LYNX1: variants seen among roughly 807,000 people sequenced by gnomAD.
LYNX1 encodes the protein ly-6/neurotoxin-like protein 1.
A neutral mutation model predicts 8.3 loss-of-function variants in LYNX1; 8 were observed. The observed-to-expected ratio is 0.97, with a 90% CI of 0.57 to 1.74. The LOEUF is 1.74. Ranked by LOEUF, LYNX1 falls within the 40% of genes most tolerant of loss-of-function variation. The pLI, the probability that LYNX1 is intolerant of heterozygous loss-of-function variation, is 0.00. For synonymous variants in LYNX1, 73 were observed against 67.9 expected (o/e 1.08, Z -0.37); for missense variants, 158 against 159.7 (o/e 0.99, Z 0.06).
In LYNX1 at chr8:142,775,982, G is replaced by A. The variant is rs1438145946; in HGVS notation, c.-25C>T. 5 of 1,613,250 alleles carry A rather than the reference G, an allele frequency of 3.1e-6. No homozygotes were observed. The highest frequency in any genetic ancestry group is 4.2e-6 in the Non-Finnish European group (5 of 1,179,860). ...TGGCTGCAGGCAGGAGGGCAGCGTGGGAGTGGGGAGGTCAACAGCAGCTAG... is the reference window on the plus strand; with the variant it reads ...TGGCTGCAGGCAGGAGGGCAGCGTGAGAGTGGGGAGGTCAACAGCAGCTAG... On this transcript the variant is annotated 5_prime_UTR_variant, in exon 2 of 4. Coordinates refer to ENST00000652477, the MANE Select transcript of LYNX1 (RefSeq NM_177477.4).
chr8:142,775,564 G>C, intron 3 of LYNX1, 29 bp downstream of exon 3: 1 of 1,565,680 alleles, frequency 6.4e-7, no homozygotes, highest in Non-Finnish European at 8.7e-7. Flanking sequence ...TGCTCCCCAG[G>C]CAGGGCCACG....
Position 142,773,913 on chromosome 8 carries a change from A to T in LYNX1, c.*1254T>A. 2.0e-6 allele frequency: 2 copies of T among 985,290 alleles called. No homozygotes were observed. Among genetic ancestry groups the T allele is most frequent in the Non-Finnish European group, 2.4e-6 (2 of 829,906 alleles). 61.0% of individuals were successfully genotyped at this position (985,290 alleles called of 1,614,324 possible). On this transcript the variant is annotated 3_prime_UTR_variant, in exon 4 of 4. Coordinates refer to ENST00000652477, the MANE Select transcript of LYNX1 (RefSeq NM_177477.4). ...GGCACCAAAAGGTCTCACGCCCCCG[A>T]ATGCCCCATTCACAGCAGGGGCAGG...
chr8:142,775,167 T>C lies in LYNX1; in HGVS notation c.351A>G (p.Ter117=), dbSNP rs1815349401. Reference sequence around the variant, plus strand: ...CTTGAGTGGGTCTGCCTCGGGGGCTTTAGAGGAGACCCCAGAGGGTGGCCA... The same window carrying C: ...CTTGAGTGGGTCTGCCTCGGGGGCTCTAGAGGAGACCCCAGAGGGTGGCCA... ...ILLATLWGLL[*] Residue 117 remains the stop codon, a stop_retained_variant, in exon 4 of 4, where the codon TAA becomes TAG. Coordinates refer to ENST00000652477, the MANE Select transcript of LYNX1 (RefSeq NM_177477.4). 7 of 1,610,330 alleles carry C rather than the reference T, an allele frequency of 4.3e-6. No individual in the cohort carries two copies. The East Asian group carries it at 1.6e-4, about 36-fold the overall frequency.
Position 142,773,377 on chromosome 8 carries a change from G to A in LYNX1, c.*1790C>T. 1.0e-6 allele frequency: 1 copy of A among 985,846 alleles called. No individual in the cohort carries two copies. Among genetic ancestry groups the A allele is most frequent in the Non-Finnish European group, 1.2e-6 (1 of 830,270 alleles). The allele number at this position is 985,846 out of a possible 1,614,324, so 61.1% of individuals were successfully genotyped here. A position where few individuals can be genotyped will look rare whatever the true frequency, so the allele number is the denominator to read the frequency against. ...TGGGGGTAGGGGCGAGGGGAGTCCA[G>A]GCCCACCCTGTGCTGGCAGCAACTC... On this transcript the variant is annotated 3_prime_UTR_variant, in exon 4 of 4. Coordinates refer to ENST00000652477, the MANE Select transcript of LYNX1 (RefSeq NM_177477.4).
chr8:142,771,825 G>C lies in LYNX1; in HGVS notation c.*3342C>G, dbSNP rs587596412. On this transcript the variant is annotated 3_prime_UTR_variant, in exon 4 of 4. Coordinates refer to ENST00000652477, the MANE Select transcript of LYNX1 (RefSeq NM_177477.4). ...GCTCCCCCACTTCCCCAGGACCTCC[G>C]CCTGGAGGAAGCCTGCCCAGGGCCG... The C allele has an allele frequency of 6.1e-6, 6 of 985,726 alleles. No homozygotes were observed. The highest frequency in any genetic ancestry group is 7.2e-6 in the Non-Finnish European group (6 of 830,008). 61.1% of individuals were successfully genotyped at this position (985,726 alleles called of 1,614,324 possible). A position where few individuals can be genotyped will look rare whatever the true frequency, so the allele number is the denominator to read the frequency against.
rs201889136 is a variant in LYNX1 at position 142,775,988 on chromosome 8, G to A, written c.-31C>T. 4.5e-5 allele frequency: 72 copies of A among 1,612,864 alleles called. No individual in the cohort carries two copies. The African/African-American group carries it at 6.7e-4, about 15-fold the overall frequency. On this transcript the variant is annotated 5_prime_UTR_variant, in exon 2 of 4. Transcript: ENST00000652477. ...CAGGCAGGAGGGCAGCGTGGGAGTG[G>A]GGAGGTCAACAGCAGCTAGCCCTGG... is the stretch of plus-strand genomic sequence containing the variant.
chr8:142,773,202 G>T lies in LYNX1; in HGVS notation c.*1965C>A. The T allele has an allele frequency of 1.0e-6, 1 of 985,590 alleles. No homozygotes were observed. 61.1% of individuals were successfully genotyped at this position (985,590 alleles called of 1,614,324 possible). Reference sequence around the variant, plus strand: ...CCGGTAAGCATCCCAAGGCATCGCTGGCTGCAGCTGAGAGGGCCTCATTTG... The same window carrying T: ...CCGGTAAGCATCCCAAGGCATCGCTTGCTGCAGCTGAGAGGGCCTCATTTG... On this transcript the variant is annotated 3_prime_UTR_variant, in exon 4 of 4. Transcript: ENST00000652477.
Position 142,772,165 on chromosome 8 carries a change from C to T in LYNX1, c.*3002G>A, listed in dbSNP as rs946076908. On this transcript the variant is annotated 3_prime_UTR_variant, in exon 4 of 4. Transcript: ENST00000652477. ...ACAGAGCCCGCCCAAGCAGCCACTC[C>T]TGAGTCACTCGGGCATGTCCAGGAC... is the stretch of plus-strand genomic sequence containing the variant. 7 of 986,120 alleles carry T rather than the reference C, an allele frequency of 7.1e-6. No homozygotes were observed. In the African/African-American group the frequency reaches 1.2e-4, roughly 17 times the overall value. 61.1% of individuals were successfully genotyped at this position (986,120 alleles called of 1,614,324 possible).
rs1334931180 is a variant in LYNX1 at position 142,772,810 on chromosome 8, C to T, written c.*2357G>A. 1.0e-6 allele frequency: 1 copy of T among 985,642 alleles called. No individual in the cohort carries two copies. Among genetic ancestry groups the T allele is most frequent in the African/African-American group, 1.7e-5 (1 of 57,250 alleles). 61.1% of individuals were successfully genotyped at this position (985,642 alleles called of 1,614,324 possible). On this transcript the variant is annotated 3_prime_UTR_variant, in exon 4 of 4. Transcript: ENST00000652477. Reference sequence around the variant, plus strand: ...GCATTAGCTGAGTGCCTTCTGTGTGCTCTACGCCAGGTGCCAAGGGCAGGC... The same window carrying T: ...GCATTAGCTGAGTGCCTTCTGTGTGTTCTACGCCAGGTGCCAAGGGCAGGC...
rs777125549 is a variant in LYNX1, at chr8:142,774,120, G to A, written c.*1047C>T. The stretch of plus-strand genomic sequence containing the variant: ...GGGACCCACTCACTGTGCGCATCCC[G>A]CTGCGGGGGAGGGGCTGGGTCTCCG... On this transcript the variant is annotated 3_prime_UTR_variant, in exon 4 of 4. Transcript: ENST00000652477. 24 of 985,006 alleles carry A rather than the reference G, an allele frequency of 2.4e-5. No individual in the cohort carries two copies. Among genetic ancestry groups the A allele is most frequent in the Non-Finnish European group, 2.9e-5 (24 of 829,806 alleles). The allele number at this position is 985,006 out of a possible 1,614,324, so 61.0% of individuals were successfully genotyped here. A position where few individuals can be genotyped will look rare whatever the true frequency, so the allele number is the denominator to read the frequency against.
In LYNX1 at chr8:142,772,241, T is replaced by A; in HGVS notation, c.*2926A>T. ...AGCTAGCCCTGGGCATCTACCCCCA[T>A]GAAGGGGACCCTCGGTTCTGCGAGA... On this transcript the variant is annotated 3_prime_UTR_variant, in exon 4 of 4. Coordinates refer to ENST00000652477, the MANE Select transcript of LYNX1 (RefSeq NM_177477.4). The A allele has an allele frequency of 3.0e-6, 3 of 985,910 alleles. No individual in the cohort carries two copies. Among genetic ancestry groups the A allele is most frequent in the Non-Finnish European group, 3.6e-6 (3 of 829,984 alleles). 61.1% of individuals were successfully genotyped at this position (985,910 alleles called of 1,614,324 possible).
chr8:142,774,319 T>C lies in LYNX1; in HGVS notation c.*848A>G, dbSNP rs1376952660. On this transcript the variant is annotated 3_prime_UTR_variant, in exon 4 of 4. Transcript: ENST00000652477. ...CTTGCTCGGCTGGGTCCTGCTGTGG[T>C]TGGGGACCAGGACTCGGGGGACCAC... 12 of 985,908 alleles carry C rather than the reference T, an allele frequency of 1.2e-5. No homozygotes were observed. The highest frequency in any genetic ancestry group is 1.4e-5 in the Non-Finnish European group (12 of 830,306). The allele number at this position is 985,908 out of a possible 1,614,324, so 61.1% of individuals were successfully genotyped here.
In LYNX1 at chr8:142,773,253, C is replaced by T; in HGVS notation, c.*1914G>A. ...GGCACTGCCCTGAGGCTGGCACTTG[C>T]AGGTGGGGGCCCTTGGGAGCTCTGG... On this transcript the variant is annotated 3_prime_UTR_variant, in exon 4 of 4. Transcript: ENST00000652477. 2.0e-6 allele frequency: 2 copies of T among 985,018 alleles called. No homozygotes were observed. The highest frequency in any genetic ancestry group is 2.4e-6 in the Non-Finnish European group (2 of 829,936). The allele number at this position is 985,018 out of a possible 1,614,324, so 61.0% of individuals were successfully genotyped here. A position where few individuals can be genotyped will look rare whatever the true frequency, so the allele number is the denominator to read the frequency against.
intron 2 of LYNX1, 78 bp from the exon 3 acceptor site, chr8:142,775,772 C>T: frequency 6.5e-7 from 1 of 1,534,834 alleles, no homozygotes; most frequent in Non-Finnish European, 8.9e-7. Flanking sequence ...ATCAGGCCCC[C>T]AGCCCGTCAC....
chr8:142,777,498 AC>A, upstream of LYNX1, among the ~76,000 whole-genome samples: 2 of 97,484 alleles, frequency 2.1e-5, no homozygotes, highest in African/African-American at 9.3e-5. Flanking sequence ...CCTCCTGGGC[AC>A]CCGCCGAGCC....
Position 142,774,309 on chromosome 8 carries a change from C to T in LYNX1, c.*858G>A. 1.0e-6 allele frequency: 1 copy of T among 985,898 alleles called. No individual in the cohort carries two copies. Among genetic ancestry groups the T allele is most frequent in the African/African-American group, 1.7e-5 (1 of 57,370 alleles). The allele number at this position is 985,898 out of a possible 1,614,324, so 61.1% of individuals were successfully genotyped here. A position where few individuals can be genotyped will look rare whatever the true frequency, so the allele number is the denominator to read the frequency against. On this transcript the variant is annotated 3_prime_UTR_variant, in exon 4 of 4. Transcript: ENST00000652477. Reference sequence around the variant, plus strand: ...CGTCTTTTGCCTTGCTCGGCTGGGTCCTGCTGTGGTTGGGGACCAGGACTC... The same window carrying T: ...CGTCTTTTGCCTTGCTCGGCTGGGTTCTGCTGTGGTTGGGGACCAGGACTC...
Position 142,774,443 on chromosome 8 carries a change from G to A in LYNX1, c.*724C>T. Reference sequence around the variant, plus strand: ...ATGGCCCTAGCTCCTGCCAGCTTCAGGCCTGGTGCCCTCCCCGTGAGGGGG... The same window carrying A: ...ATGGCCCTAGCTCCTGCCAGCTTCAAGCCTGGTGCCCTCCCCGTGAGGGGG... On this transcript the variant is annotated 3_prime_UTR_variant, in exon 4 of 4. Coordinates refer to ENST00000652477, the MANE Select transcript of LYNX1 (RefSeq NM_177477.4). 1.0e-6 allele frequency: 1 copy of A among 985,866 alleles called. No individual in the cohort carries two copies. The highest frequency in any genetic ancestry group is 1.2e-6 in the Non-Finnish European group (1 of 830,160). 61.1% of individuals were successfully genotyped at this position (985,866 alleles called of 1,614,324 possible). A position where few individuals can be genotyped will look rare whatever the true frequency, so the allele number is the denominator to read the frequency against.
chr8:142,774,218 G>C lies in LYNX1; in HGVS notation c.*949C>G. Reference sequence around the variant, plus strand: ...AGGGTGGCATGCTCCGCCTTCCCACGCCCAGGCCCGCGCCGGCCCCAGGCT... The same window carrying C: ...AGGGTGGCATGCTCCGCCTTCCCACCCCCAGGCCCGCGCCGGCCCCAGGCT... On this transcript the variant is annotated 3_prime_UTR_variant, in exon 4 of 4. Transcript: ENST00000652477. 1.9e-5 allele frequency: 18 copies of C among 947,922 alleles called. No individual in the cohort carries two copies. Among genetic ancestry groups the C allele is most frequent in the Non-Finnish European group, 2.2e-5 (18 of 820,644 alleles). 58.7% of individuals were successfully genotyped at this position (947,922 alleles called of 1,614,324 possible). A position where few individuals can be genotyped will look rare whatever the true frequency, so the allele number is the denominator to read the frequency against.
In LYNX1 at chr8:142,771,584, G is replaced by A; in HGVS notation, c.*3583C>T. ...AGAGGGAAGGAGATCCTGAGGGGCT[G>A]GCAGATTCAGGCCCTCCCTGCGAGC... On this transcript the variant is annotated 3_prime_UTR_variant, in exon 4 of 4. Coordinates refer to ENST00000652477, the MANE Select transcript of LYNX1 (RefSeq NM_177477.4). 1.0e-6 allele frequency: 1 copy of A among 985,642 alleles called. No individual in the cohort carries two copies. Among genetic ancestry groups the A allele is most frequent in the Non-Finnish European group, 1.2e-6 (1 of 829,988 alleles). The allele number at this position is 985,642 out of a possible 1,614,324, so 61.1% of individuals were successfully genotyped here. A position where few individuals can be genotyped will look rare whatever the true frequency, so the allele number is the denominator to read the frequency against.
Sources: allele counts gnomAD v4.1 joint callset (sites outside exome capture counted in the v4.1 genomes callset), GRCh38; gene constraint gnomAD v4.1.1; transcripts MANE v1.5; gene names NCBI Gene and HGNC (gene_info 2026-07-23, HGNC 2026-07-21).